FSTL4: variants seen among roughly 807,000 people sequenced by gnomAD.
The protein encoded by FSTL4 is follistatin-related protein 4.
Under a neutral mutation model 78.2 loss-of-function variants are expected in FSTL4, and 28 were observed. That is an observed-to-expected ratio of 0.36 (90% confidence interval 0.27 to 0.49). The LOEUF is 0.49. Ranked by LOEUF, FSTL4 falls within the 20% of genes least tolerant of loss-of-function variation. The pLI is 0.98. For synonymous variants in FSTL4, 422 were observed against 440.5 expected, an observed-to-expected ratio of 0.96 and a Z score of 0.53; for missense variants, 922 against 1,084.9, an observed-to-expected ratio of 0.85 and a Z score of 2.11.
chr5:133,742,374 G>A, the FSTL4 span, among the ~76,000 whole-genome samples: 6 of 152,124 alleles, frequency 3.9e-5, no homozygotes, highest in African/African-American at 4.8e-5. Context: ...ACAACCACAA[G>A]GAAGATGTAT....
At chr5:133,505,188 T>C (rs1404491105) in intron 3 of FSTL4, among the ~76,000 whole-genome samples, 1 of 152,164 alleles carries the variant, frequency 6.6e-6, no homozygotes, top group Non-Finnish European at 1.5e-5. Context: ...GTATTACAAG[T>C]AATTTTTGCC....
intron 6 of FSTL4, among the ~76,000 whole-genome samples, chr5:133,282,858 G>C (rs894473169): frequency 2.0e-5 from 3 of 152,234 alleles, no homozygotes; most frequent in Admixed American, 6.5e-5. Flanking sequence ...TTACCACAAA[G>C]AGCAGAAGCC....
chr5:133,701,363 A>G, the FSTL4 span, among the ~76,000 whole-genome samples: 1 of 148,846 alleles, frequency 6.7e-6, no homozygotes, highest in Non-Finnish European at 1.5e-5. Flanking sequence ...AGATCACGCC[A>G]CTGCACTCCA....
chr5:133,543,336 G>C (rs1580778437), intron 3 of FSTL4, among the ~76,000 whole-genome samples: 1 of 152,180 alleles, frequency 6.6e-6, no homozygotes, highest in Non-Finnish European at 1.5e-5. Flanking sequence ...ACAGGCATGA[G>C]CCACCATGCC....
chr5:133,647,207 A>T, the FSTL4 span, among the ~76,000 whole-genome samples: 1 of 152,120 alleles, frequency 6.6e-6, no homozygotes, highest in Non-Finnish European at 1.5e-5. Flanking sequence ...TCAGGAGAAG[A>T]TACAGCAGAG....
At chr5:133,508,736 A>C (rs1406988713) in intron 3 of FSTL4, among the ~76,000 whole-genome samples, 1 of 152,238 alleles carries the variant, frequency 6.6e-6, no homozygotes, top group Non-Finnish European at 1.5e-5. Context: ...GAAGTCCTGA[A>C]ACCACATGAG....
At chr5:133,576,005 C>A (rs1240307898) in intron 2 of FSTL4, among the ~76,000 whole-genome samples, 1 of 152,164 alleles carries the variant, frequency 6.6e-6, no homozygotes, top group African/African-American at 2.4e-5. Flanking sequence ...AATCCGTTAT[C>A]TCTCACTATA....
intron 3 of FSTL4, among the ~76,000 whole-genome samples, chr5:133,546,840 C>T (rs1759584862): frequency 6.6e-6 from 1 of 152,168 alleles, no homozygotes. Flanking sequence ...ATAGCTAGTG[C>T]CACTGCTCTA....
intron 4 of FSTL4, among the ~76,000 whole-genome samples, chr5:133,395,422 A>G (rs138801131): frequency 0.026 from 4,010 of 152,096 alleles, 190 homozygotes; most frequent in African/African-American, 0.091. Context: ...GAAGGAAGAA[A>G]CTCTGAACAC....
chr5:133,835,175 G>A, the FSTL4 span, among the ~76,000 whole-genome samples: 4 of 152,294 alleles, frequency 2.6e-5, no homozygotes, highest in African/African-American at 9.6e-5. Flanking sequence ...TCACTGCATG[G>A]ATGAACAGGC....
At chr5:133,658,100 A>AT in the FSTL4 span, among the ~76,000 whole-genome samples, 2 of 152,064 alleles carry the variant, frequency 1.3e-5, no homozygotes, top group Non-Finnish European at 2.9e-5. Context: ...ACAGTTATAG[A>AT]TTTTTTAATG....
At chr5:133,760,831 G>C in the FSTL4 span, among the ~76,000 whole-genome samples, 1 of 152,208 alleles carries the variant, frequency 6.6e-6, no homozygotes, top group East Asian at 1.9e-4. Context: ...TATTTGCTCA[G>C]CCATGGTGGC....
chr5:133,515,482 G>C (rs935854534), intron 3 of FSTL4, among the ~76,000 whole-genome samples: 1 of 151,548 alleles, frequency 6.6e-6, no homozygotes, highest in Non-Finnish European at 1.5e-5. Flanking sequence ...GAGGCACTGA[G>C]AGATGATAAT....
At chr5:133,558,278 G>A (rs1447720670) in intron 3 of FSTL4, among the ~76,000 whole-genome samples, 1 of 152,218 alleles carries the variant, frequency 6.6e-6, no homozygotes, top group Non-Finnish European at 1.5e-5. Flanking sequence ...AATGCAAGTA[G>A]TAGTTATCAA....
intron 6 of FSTL4, among the ~76,000 whole-genome samples, chr5:133,293,306 G>T (rs1753312138): frequency 6.6e-6 from 1 of 152,220 alleles, no homozygotes; most frequent in African/African-American, 2.4e-5. Context: ...TTGCATCTGT[G>T]TTCAGGTCTT....
the FSTL4 span, among the ~76,000 whole-genome samples, chr5:133,724,935 G>A: frequency 6.6e-6 from 1 of 152,156 alleles, no homozygotes; most frequent in African/African-American, 2.4e-5. Flanking sequence ...TTCCTTATGA[G>A]CATTCAGGCA....
chr5:133,199,874 C>A lies in FSTL4; in HGVS notation c.1827-77G>T. 1 of 700,364 alleles carries A rather than the reference C, an allele frequency of 1.4e-6. No individual in the cohort carries two copies. Among genetic ancestry groups the A allele is most frequent in the Non-Finnish European group, 2.4e-6 (1 of 409,218 alleles). 43.4% of individuals were successfully genotyped at this position (700,364 alleles called of 1,614,324 possible). ...GTCATTTGTCTTAAACAATTACATC[C>A]TCTGCCTTTTCCCTTTATTATAATC... On this transcript the variant is annotated intron_variant, in intron 15 of 15. Transcript: ENST00000265342. This position sits in a 1 kb window ranked among gnomAD's most constrained non-coding sequence, Gnocchi z 4.4.
the FSTL4 span, among the ~76,000 whole-genome samples, chr5:133,797,145 A>G: frequency 6.6e-6 from 1 of 152,264 alleles, no homozygotes; most frequent in Admixed American, 6.5e-5. Context: ...CACCCCAGGC[A>G]GTCAGATTCC....
chr5:133,400,647 T>C lies in FSTL4; in HGVS notation c.409+91A>G, dbSNP rs566619990. The C allele has an allele frequency of 1.7e-5, 20 of 1,171,646 alleles. No individual in the cohort carries two copies. In the East Asian group the frequency reaches 4.5e-4, roughly 26 times the overall value. The allele number at this position is 1,171,646 out of a possible 1,614,324, so 72.6% of individuals were successfully genotyped here. A position where few individuals can be genotyped will look rare whatever the true frequency, so the allele number is the denominator to read the frequency against. ...TCTTTATTTCCTAAACATATGTAAC[T>C]TGTAGACTCAGCACCCAGGTCACTT... On this transcript the variant is annotated intron_variant, in intron 4 of 15. Transcript: ENST00000265342.
Sources: gnomAD v4.1 joint callset for allele counts (sites outside exome capture counted in the v4.1 genomes callset) on GRCh38, gnomAD v4.1.1 for gene constraint, Gnocchi (gnomAD v3.1) non-coding constraint, MANE v1.5 for transcripts, NCBI Gene and HGNC (gene_info 2026-07-23, HGNC 2026-07-21) for gene names.